ERICH1: variants seen among roughly 807,000 people sequenced by gnomAD.
The protein encoded by ERICH1 is glutamate-rich protein 1.
ERICH1 carries 56 observed loss-of-function variants against 39.6 expected under a neutral mutation model. The observed-to-expected ratio is 1.41, with a 90% CI of 1.14 to 1.77. The LOEUF (loss-of-function observed/expected upper bound fraction) is 1.77, where lower values mean the gene tolerates loss of function less well. Ranked by LOEUF, ERICH1 falls within the 40% of genes most tolerant of loss-of-function variation. The pLI, the probability that ERICH1 is intolerant of heterozygous loss-of-function variation, is 0.00. For missense variants in ERICH1, 826 were observed against 575.4 expected, an observed-to-expected ratio of 1.44 and a Z score of -4.45; for synonymous variants, 313 against 223.6, an observed-to-expected ratio of 1.40 and a Z score of -3.57.
At chr8:681,111 C>G (rs906209310) in intron 3 of ERICH1, among the ~76,000 whole-genome samples, 10 of 152,208 alleles carry the variant, frequency 6.6e-5, no homozygotes, top group African/African-American at 2.2e-4. Flanking sequence ...TTGGCAGGCT[C>G]TGCCGCACCA....
At chr8:632,546 T>C (rs543589703) in intron 3 of ERICH1, among the ~76,000 whole-genome samples, 4 of 152,170 alleles carry the variant, frequency 2.6e-5, no homozygotes, top group South Asian at 2.1e-4. Context: ...ACTACTAGAA[T>C]AGAATAACAA....
intron 3 of ERICH1, among the ~76,000 whole-genome samples, chr8:618,073 C>G (rs905785510): frequency 6.6e-6 from 1 of 150,738 alleles, no homozygotes; most frequent in Admixed American, 6.6e-5. Flanking sequence ...TCACTGTCCT[C>G]TGAGTGATTG....
chr8:702,852 G>C (rs761838213), intron 2 of ERICH1, among the ~76,000 whole-genome samples: 1 of 152,220 alleles, frequency 6.6e-6, no homozygotes, highest in Non-Finnish European at 1.5e-5. Flanking sequence ...GATGCCCCGG[G>C]AACCAGATGG....
chr8:685,971 C>G (rs1412881454), intron 3 of ERICH1, among the ~76,000 whole-genome samples: 6 of 139,526 alleles, frequency 4.3e-5, no homozygotes, highest in Non-Finnish European at 9.3e-5. Flanking sequence ...ATGGTGAAAC[C>G]CCGTCTCTAC....
intron 3 of ERICH1, among the ~76,000 whole-genome samples, chr8:690,296 G>C (rs571465791): frequency 1.2e-4 from 19 of 152,374 alleles, no homozygotes; most frequent in Non-Finnish European, 2.4e-4. Context: ...ACACAGACAA[G>C]ACAGACTGAG....
intron 1 of ERICH1, among the ~76,000 whole-genome samples, chr8:729,216 C>G (rs188622005): frequency 3.9e-5 from 6 of 152,346 alleles, no homozygotes; most frequent in African/African-American, 1.4e-4. Context: ...GACGCCAAGT[C>G]AGTTCTGTGT....
intron 2 of ERICH1, among the ~76,000 whole-genome samples, chr8:699,700 C>CGCACAGACCCGCACACGT (rs1811261204): frequency 6.7e-6 from 1 of 148,828 alleles, no homozygotes; most frequent in Non-Finnish European, 1.5e-5. Flanking sequence ...CTCACACAGG[C>CGCACAGACCCGCACACGT]GCACAGACCC....
At chr8:631,341 G>A (rs1393939645) in intron 3 of ERICH1, among the ~76,000 whole-genome samples, 5 of 152,368 alleles carry the variant, frequency 3.3e-5, no homozygotes, top group Admixed American at 3.3e-4. Context: ...GTGAGGTGGT[G>A]AAGCTGACTC....
intron 4 of ERICH1, 83 bp from the exon 5 acceptor site, chr8:668,875 G>T: frequency 1.5e-6 from 2 of 1,308,782 alleles, no homozygotes; most frequent in East Asian, 2.4e-5. Context: ...TCTTAAGGAA[G>T]GTCTCAAACC....
chr8:645,993 G>A (rs1211294858), intron 3 of ERICH1, among the ~76,000 whole-genome samples: 1 of 70,016 alleles, frequency 1.4e-5, no homozygotes, highest in African/African-American at 3.6e-5. Context: ...GGCTGCTCTC[G>A]TTTGTCTCCA....
At chr8:701,653 T>A (rs1812178642) in intron 2 of ERICH1, among the ~76,000 whole-genome samples, 1 of 152,188 alleles carries the variant, frequency 6.6e-6, no homozygotes, top group Non-Finnish European at 1.5e-5. Context: ...ATACGTGTAT[T>A]TTTTTGCAAA....
intron 3 of ERICH1, among the ~76,000 whole-genome samples, chr8:654,532 A>G (rs913301327): frequency 4.6e-5 from 7 of 152,198 alleles, no homozygotes; most frequent in African/African-American, 1.7e-4. Flanking sequence ...GTACTTTTCT[A>G]TATGTATGCC....
At chr8:663,750 G>C (rs1431988543), downstream of ERICH1, among the ~76,000 whole-genome samples, 1 of 151,768 alleles carries the variant, frequency 6.6e-6, no homozygotes, top group Non-Finnish European at 1.5e-5. Context: ...TGTACCAATT[G>C]ACTGATGGTT....
At chr8:729,753 T>G (rs1265915838) in intron 1 of ERICH1, among the ~76,000 whole-genome samples, 1 of 152,242 alleles carries the variant, frequency 6.6e-6, no homozygotes, top group Non-Finnish European at 1.5e-5. Flanking sequence ...GGGAAGGTGA[T>G]TAGTGAATGA....
intron 3 of ERICH1, among the ~76,000 whole-genome samples, chr8:631,053 A>G (rs2117114289): frequency 6.6e-6 from 1 of 151,488 alleles, no homozygotes; most frequent in East Asian, 2.0e-4. Flanking sequence ...CACCACCCAC[A>G]TTGACAGAGC....
chr8:680,926 C>A (rs1209484914), intron 3 of ERICH1, among the ~76,000 whole-genome samples: 1 of 152,210 alleles, frequency 6.6e-6, no homozygotes, highest in Non-Finnish European at 1.5e-5. Flanking sequence ...GAGGAAGGGG[C>A]AGTCTCAGGA....
intron 2 of ERICH1, among the ~76,000 whole-genome samples, chr8:701,826 T>C (rs1440589891): frequency 6.6e-6 from 1 of 152,198 alleles, no homozygotes; most frequent in East Asian, 1.9e-4. Flanking sequence ...GCGCGGTTGC[T>C]CACGCATGTA....
chr8:717,323 C>T (rs1684788920), intron 1 of ERICH1, among the ~76,000 whole-genome samples: 2 of 152,210 alleles, frequency 1.3e-5, no homozygotes, highest in African/African-American at 4.8e-5. Context: ...ACCTCAAAAG[C>T]TCCTGCTGGC....
chr8:696,394 TCTC>T, intron 2 of ERICH1, among the ~76,000 whole-genome samples: 1 of 12,718 alleles, frequency 7.9e-5, no homozygotes, highest in African/African-American at 6.8e-4. Context: ...CCTCCACTCT[TCTC>T]CTTCTCCACT....
Sources: allele counts gnomAD v4.1 joint callset (sites outside exome capture counted in the v4.1 genomes callset), GRCh38; gene constraint gnomAD v4.1.1; transcripts MANE v1.5; gene names NCBI Gene and HGNC (gene_info 2026-07-23, HGNC 2026-07-21).